SYNE1: variants seen among roughly 807,000 people sequenced by gnomAD.
The protein encoded by SYNE1 is nesprin-1.
Under a neutral mutation model 1,111.0 loss-of-function variants are expected in SYNE1, and 616 were observed. The observed-to-expected ratio is 0.55, with a 90% CI of 0.52 to 0.59. SYNE1 has a LOEUF of 0.59. Ranked by LOEUF, SYNE1 falls within the 20% of genes least tolerant of loss-of-function variation. The probability of loss-of-function intolerance (pLI) is 0.00; values close to 1 mark genes in which losing one functional copy is unlikely to be tolerated. For synonymous variants in SYNE1, 3,855 were observed against 3,825.8 expected (o/e 1.01, Z -0.28); for missense variants, 10,006 against 10,417.0 (o/e 0.96, Z 1.72).
chr6:152,385,412 T>G (rs1486877934), intron 55 of SYNE1, among the ~76,000 whole-genome samples: 1 of 152,188 alleles, frequency 6.6e-6, no homozygotes, highest in East Asian at 1.9e-4. Context: ...CCCACCAAAT[T>G]AGCCATTTCC....
intron 127 of SYNE1, among the ~76,000 whole-genome samples, chr6:152,195,652 C>T (rs1198359492): frequency 6.6e-6 from 1 of 152,214 alleles, no homozygotes; most frequent in East Asian, 1.9e-4. Context: ...TTCTCCCAAA[C>T]AAACAGCGTC....
At chr6:152,602,370 A>T (rs1331925084) in intron 3 of SYNE1, among the ~76,000 whole-genome samples, 2 of 152,104 alleles carry the variant, frequency 1.3e-5, no homozygotes, top group African/African-American at 4.8e-5. Context: ...CCATCTACAA[A>T]CCAGGGAGAG....
intron 133 of SYNE1, among the ~76,000 whole-genome samples, chr6:152,154,548 A>G (rs770381938): frequency 3.3e-5 from 5 of 152,180 alleles, no homozygotes; most frequent in Non-Finnish European, 7.4e-5. Flanking sequence ...GTTTAAAAAA[A>G]TCATATTTTA....
At chr6:152,254,140 C>G (rs2090224747) in intron 104 of SYNE1, among the ~76,000 whole-genome samples, 1 of 150,240 alleles carries the variant, frequency 6.7e-6, no homozygotes. Flanking sequence ...AGTAACGTAA[C>G]ACATTTTAAC....
chr6:152,528,301 A>G (rs2099174569), intron 4 of SYNE1, among the ~76,000 whole-genome samples: 2 of 151,930 alleles, frequency 1.3e-5, no homozygotes, highest in African/African-American at 2.4e-5. Flanking sequence ...TGGCTGACTG[A>G]CTGACTGAAT....
chr6:152,278,794 G>T (rs1014645556), intron 97 of SYNE1, among the ~76,000 whole-genome samples: 2 of 151,284 alleles, frequency 1.3e-5, no homozygotes, highest in African/African-American at 4.9e-5. Flanking sequence ...TTGAGGGAGG[G>T]TCTTGTTCTG....
intron 42 of SYNE1, among the ~76,000 whole-genome samples, chr6:152,411,076 T>C (rs1404872907): frequency 6.6e-6 from 1 of 152,250 alleles, no homozygotes; most frequent in African/African-American, 2.4e-5. Flanking sequence ...TTTTGTTTAA[T>C]AGGTCTTTGT....
Position 152,310,818 on chromosome 6 carries a change from T to C in SYNE1, c.16766A>G (p.Lys5589Arg), listed in dbSNP as rs765916350. The C allele has an allele frequency of 1.2e-5, 19 of 1,614,046 alleles. No homozygotes were observed. The highest frequency in any genetic ancestry group is 1.5e-5 in the Non-Finnish European group (18 of 1,180,042). ...IDSELEAMTE[K>R]LQYLTSVYCT... is the part of the protein sequence containing the mutation. ...GTACACGCTAGTGAGGTACTGTAATTTCTCAGTCATTGCTTCCAGCTCACT... is the reference window on the plus strand; with the variant it reads ...GTACACGCTAGTGAGGTACTGTAATCTCTCAGTCATTGCTTCCAGCTCACT... The change falls in exon 88 of 146, where the codon AAA becomes AGA. Residue 5589 changes from lysine to arginine, a missense_variant. Lys to Arg is a conservative substitution (Grantham distance 26). Coordinates refer to ENST00000367255, the MANE Select transcript of SYNE1 (RefSeq NM_182961.4).
chr6:152,207,310 C>T (rs1563506085), intron 125 of SYNE1, among the ~76,000 whole-genome samples: 1 of 152,174 alleles, frequency 6.6e-6, no homozygotes, highest in South Asian at 2.1e-4. Context: ...GACATAAACT[C>T]ACAAGGTGGT....
At chr6:152,585,848 C>A (rs1025849464) in intron 3 of SYNE1, among the ~76,000 whole-genome samples, 1 of 152,122 alleles carries the variant, frequency 6.6e-6, no homozygotes, top group African/African-American at 2.4e-5. Flanking sequence ...TACAAAATGT[C>A]AGTTGCAGAC....
At position 152,221,507 on chromosome 6, in the gene SYNE1, G is replaced by A; in HGVS notation, c.21575C>T (p.Ser7192Phe). 1.2e-6 allele frequency: 2 copies of A among 1,613,900 alleles called. No homozygotes were observed. Among genetic ancestry groups the A allele is most frequent in the Non-Finnish European group, 1.7e-6 (2 of 1,179,954 alleles). ...KQERSLQKFG[S>F]ITNQLLKECH... ...CTCTTTTAATAATTGGTTGGTGATA[G>A]AGCCAAATTTCTGTAAGCTCCTTTC... Residue 7192 changes from serine (S) to phenylalanine (F), a missense_variant, in exon 118 of 146, where the codon TCT (serine) becomes TTT (phenylalanine). Transcript: ENST00000367255.
chr6:152,325,148 A>G lies in SYNE1; in HGVS notation c.15593T>C (p.Val5198Ala), dbSNP rs372224075. ...CAGGATCTTCTCCTGGTCCTGGGCC[A>G]CAGCTCGAAGGCGTGTCCAGCGCTG... ...VWQRWTRLRA[V>A]AQDQEKILED... Residue 5198 changes from valine (V) to alanine (A), a missense_variant, in exon 81 of 146, where the codon GTG becomes GCG. Val to Ala is a moderately conservative substitution (Grantham distance 64, BLOSUM62 0). This residue lies in a region of SYNE1 where 4,955 missense variants were observed against 5,017.2 expected (regional missense o/e 0.99). Coordinates refer to ENST00000367255, the MANE Select transcript of SYNE1 (RefSeq NM_182961.4). 1.2e-6 allele frequency: 2 copies of G among 1,614,088 alleles called. No homozygotes were observed. The highest frequency in any genetic ancestry group is 8.5e-7 in the Non-Finnish European group (1 of 1,180,046).
chr6:152,328,398 T>A (rs2096144641), intron 78 of SYNE1, among the ~76,000 whole-genome samples: 1 of 146,906 alleles, frequency 6.8e-6, no homozygotes, highest in Admixed American at 6.7e-5. Flanking sequence ...ATTTATTTAT[T>A]TATTTATTTA....
intron 6 of SYNE1, among the ~76,000 whole-genome samples, chr6:152,515,856 A>G (rs2099108956): frequency 6.6e-6 from 1 of 152,238 alleles, no homozygotes; most frequent in South Asian, 2.1e-4. Context: ...AGATTCTTAC[A>G]TAAGTTTTTT....
At chr6:152,508,733 A>G (rs536176165) in intron 8 of SYNE1, among the ~76,000 whole-genome samples, 2 of 152,332 alleles carry the variant, frequency 1.3e-5, no homozygotes, top group African/African-American at 4.8e-5. Context: ...TGTTCCAGCA[A>G]TGTGGGAAGG....
chr6:152,457,338 A>T (rs2098702787), intron 22 of SYNE1, among the ~76,000 whole-genome samples: 1 of 152,170 alleles, frequency 6.6e-6, no homozygotes, highest in Non-Finnish European at 1.5e-5. Flanking sequence ...TAGATCTAAG[A>T]TCTGAATATC....
rs759563066 is a variant in SYNE1 at position 152,326,014 on chromosome 6, A to G, written c.15382T>C (p.Ser5128Pro). The change falls in exon 80 of 146, where the codon TCT becomes CCT. Residue 5128 changes from serine (S) to proline (P), a missense_variant. Ser to Pro is a moderately conservative substitution (Grantham distance 74). This residue lies in a region of SYNE1 where 4,955 missense variants were observed against 5,017.2 expected (regional missense o/e 0.99). Coordinates refer to ENST00000367255, the MANE Select transcript of SYNE1 (RefSeq NM_182961.4). ...NDTEKKLSEF[S>P]LLKTSSSHEA... ...TGACTAGACGAAGTCTTCAACAAAG[A>G]AAACTCAGACAATTTCTTTTCTGTA... The G allele has an allele frequency of 6.2e-7, 1 of 1,614,092 alleles. No homozygotes were observed. Among genetic ancestry groups the G allele is most frequent in the African/African-American group, 1.3e-5 (1 of 74,936 alleles).
chr6:152,566,168 T>C (rs2099412780), intron 3 of SYNE1, among the ~76,000 whole-genome samples: 1 of 152,080 alleles, frequency 6.6e-6, no homozygotes, highest in Non-Finnish European at 1.5e-5. Flanking sequence ...CCCTCCAGTG[T>C]TGAACCTGGG....
In SYNE1 at chr6:152,306,952, G is replaced by A. The variant is rs569384866; in HGVS notation, c.17346+1537C>T. On this transcript the variant is annotated intron_variant, in intron 91 of 145. Transcript: ENST00000367255. Reference sequence around the variant, plus strand: ...ACAAGTTTCTTGGGGAAGAAAAACCGTACAACAAAAAAGTTTAGTAGTAAT... The same window carrying A: ...ACAAGTTTCTTGGGGAAGAAAAACCATACAACAAAAAAGTTTAGTAGTAAT... Among the ~76,000 whole-genome samples, 128 of 145,102 alleles carry A rather than the reference G, an allele frequency of 8.8e-4. 3 individuals are homozygous for A. The highest frequency in any genetic ancestry group is 6.0e-3 in the South Asian group (27 of 4,534).
Sources: gnomAD v4.1 joint callset for allele counts (sites outside exome capture counted in the v4.1 genomes callset) on GRCh38, gnomAD v4.1.1 for gene constraint, gnomAD v4.1.1 regional missense constraint, MANE v1.5 for transcripts, NCBI Gene and HGNC (gene_info 2026-07-23, HGNC 2026-07-21) for gene names.